Variants in ARHGEF4 observed in about 807,000 individuals in gnomAD.
ARHGEF4 encodes the protein APC-stimulated guanine nucleotide exchange factor 1.
A neutral mutation model predicts 162.0 loss-of-function variants in ARHGEF4; 119 were observed. The ratio of observed to expected loss-of-function variants is 0.73; its 90% CI spans 0.63 to 0.86. The LOEUF is 0.86. ARHGEF4 is among the 40% of genes least tolerant of loss of function. ARHGEF4 has a pLI of 0.00. For missense variants in ARHGEF4, 2,488 were observed against 2,456.0 expected, an observed-to-expected ratio of 1.01 and a Z score of -0.28; for synonymous variants, 1,014 against 979.9, an observed-to-expected ratio of 1.03 and a Z score of -0.65.
Position 130,930,996 on chromosome 2 carries a change from C to T in ARHGEF4, c.3597C>T (p.Cys1199=), listed in dbSNP as rs1325621735. The part of the protein sequence containing the change: ...WEEPAGEKPS[C]SHSQKAFHME... ...AACCAGCAGGTGAGAAGCCCAGTTG[C>T]TCTCACAGTCAGAAGGCGTTCCACA... The change falls in exon 3 of 14, where the codon TGC becomes TGT. Residue 1199 remains cysteine (C), a synonymous_variant. Coordinates refer to ENST00000409359, the MANE Select transcript of ARHGEF4 (RefSeq NM_001367493.1). 2 of 1,613,246 alleles carry T rather than the reference C, an allele frequency of 1.2e-6. No individual in the cohort carries two copies. The highest frequency in any genetic ancestry group is 1.7e-5 in the Admixed American group (1 of 60,012).
At chr2:130,987,562 A>G (rs1451018031) in intron 4 of ARHGEF4, among the ~76,000 whole-genome samples, 1 of 151,978 alleles carries the variant, frequency 6.6e-6, no homozygotes, top group African/African-American at 2.4e-5. Context: ...CCTTTTTTCA[A>G]TCCTCCCCAT....
chr2:130,999,285 G>T (rs1239962705), intron 4 of ARHGEF4, among the ~76,000 whole-genome samples: 3 of 151,136 alleles, frequency 2.0e-5, no homozygotes, highest in Admixed American at 2.0e-4. Flanking sequence ...CTTCCAACTA[G>T]CTGGGACTAC....
At chr2:131,040,526 C>A in intron 8 of ARHGEF4, 86 bp downstream of exon 8, 1 of 1,418,230 alleles carries the variant, frequency 7.1e-7, no homozygotes, top group South Asian at 1.5e-5. Context: ...GGTGGCTGGT[C>A]CCAAAACCTT....
At chr2:130,850,434 C>T (rs1251093930) in intron 1 of ARHGEF4, among the ~76,000 whole-genome samples, 2 of 152,222 alleles carry the variant, frequency 1.3e-5, no homozygotes, top group African/African-American at 4.8e-5. Flanking sequence ...TGGCTCTGCT[C>T]TGCTCCCTCC....
chr2:131,040,083 A>G lies in ARHGEF4; in HGVS notation c.4373A>G (p.Asp1458Gly). ...APLAGNSGAE[D>G]GGAEAQSSKD... ...CTGGCCGGGAACAGCGGAGCGGAGGACGGCGGGGCGGAGGCGCAGAGCAGC... is the reference window on the plus strand; with the variant it reads ...CTGGCCGGGAACAGCGGAGCGGAGGGCGGCGGGGCGGAGGCGCAGAGCAGC... Residue 1458 changes from aspartate (D) to glycine (G), a missense_variant, in exon 7 of 14, where the codon GAC becomes GGC. Physicochemically the swap from Asp to Gly is moderately conservative, Grantham distance 94. Around this residue, in one of 6 missense-constraint regions of ARHGEF4, gnomAD observed 174 missense variants for 148.3 expected, o/e 1.17. Coordinates refer to ENST00000409359, the MANE Select transcript of ARHGEF4 (RefSeq NM_001367493.1). 1 of 1,605,444 alleles carries G rather than the reference A, an allele frequency of 6.2e-7. No homozygotes were observed. The highest frequency in any genetic ancestry group is 1.3e-5 in the African/African-American group (1 of 74,772).
At chr2:131,035,755 C>T (rs1690229114) in intron 5 of ARHGEF4, 2 of 985,196 alleles carry the variant, frequency 2.0e-6, no homozygotes, top group South Asian at 9.4e-5. Context: ...CCTCTGCCCC[C>T]CTTGCACGTG....
intron 4 of ARHGEF4, among the ~76,000 whole-genome samples, chr2:131,007,428 C>T (rs11900231): frequency 0.14 from 22,006 of 152,148 alleles, 1,731 homozygotes; most frequent in South Asian, 0.21. Flanking sequence ...TTTAAGCTCT[C>T]CTTACTTTTT....
In ARHGEF4 at chr2:130,931,231, G is replaced by GGGGCAGTGCACAAAGATGGAGTCAA; in HGVS notation, c.3835_3858+1dup. ...CCACGTCGAAAGGAGGCTGCACATA[G>GGGGCAGTGCACAAAGATGGAGTCAA]GGGCAGTGCACAAAGATGGAGTCAA... is the stretch of plus-strand genomic sequence containing the variant. On this transcript the variant is annotated frameshift_variant, in exon 3 of 14. Coordinates refer to ENST00000409359, the MANE Select transcript of ARHGEF4 (RefSeq NM_001367493.1). LOFTEE classifies it high-confidence loss of function. 2 of 1,611,422 alleles carry GGGGCAGTGCACAAAGATGGAGTCAA rather than the reference G, an allele frequency of 1.2e-6. No homozygotes were observed. Among genetic ancestry groups the GGGGCAGTGCACAAAGATGGAGTCAA allele is most frequent in the Non-Finnish European group, 1.7e-6 (2 of 1,178,188 alleles).
At position 131,019,792 on chromosome 2, in the gene ARHGEF4, G is replaced by C. The variant is rs370899352; in HGVS notation, c.3986-8153G>C. On this transcript the variant is annotated intron_variant, in intron 4 of 13. Coordinates refer to ENST00000409359, the MANE Select transcript of ARHGEF4 (RefSeq NM_001367493.1). ...GGGACTACAGGCGCCTGCCACCACG[G>C]CCGGCTAATTTTTTTGTATTTTTAG... Among the ~76,000 whole-genome samples the C allele has an allele frequency of 2.9e-3, 445 of 152,016 alleles. 1 individual carries two copies. Among genetic ancestry groups the C allele is most frequent in the South Asian group, 4.2e-3 (20 of 4,810 alleles).
At chr2:130,882,339 C>G (rs1425775786) in intron 1 of ARHGEF4, among the ~76,000 whole-genome samples, 1 of 152,060 alleles carries the variant, frequency 6.6e-6, no homozygotes, top group Admixed American at 6.5e-5. Context: ...GTGGCTTACA[C>G]AGCAGACATC....
intron 1 of ARHGEF4, among the ~76,000 whole-genome samples, chr2:130,864,327 C>G (rs962586994): frequency 6.6e-6 from 1 of 152,034 alleles, no homozygotes; most frequent in East Asian, 1.9e-4. Flanking sequence ...ATAGGAAATA[C>G]CCAGGATCAG....
At chr2:130,936,090 G>T (rs377161598) in intron 3 of ARHGEF4, among the ~76,000 whole-genome samples, 8 of 152,116 alleles carry the variant, frequency 5.3e-5, no homozygotes, top group African/African-American at 1.9e-4. Flanking sequence ...ACTGAAACTT[G>T]TTTTCTGTAA....
chr2:130,991,751 C>A (rs865788511), intron 4 of ARHGEF4, among the ~76,000 whole-genome samples: 4 of 152,356 alleles, frequency 2.6e-5, no homozygotes, highest in African/African-American at 7.2e-5. Context: ...TCCTGTGCAG[C>A]CCGAGCCTCC....
chr2:130,851,536 G>A (rs1681414328), intron 1 of ARHGEF4, among the ~76,000 whole-genome samples: 1 of 152,238 alleles, frequency 6.6e-6, no homozygotes, highest in South Asian at 2.1e-4. Flanking sequence ...AGGTGCTCCG[G>A]GCCTGAGTGG....
chr2:130,883,661 C>T (rs1433085282), intron 1 of ARHGEF4, among the ~76,000 whole-genome samples: 3 of 152,126 alleles, frequency 2.0e-5, no homozygotes, highest in Admixed American at 6.5e-5. Flanking sequence ...GCAGGGCCCA[C>T]GCATGTCTGC....
intron 1 of ARHGEF4, among the ~76,000 whole-genome samples, chr2:130,838,474 T>A (rs982720670): frequency 1.3e-5 from 2 of 152,006 alleles, no homozygotes. Context: ...GGCGCGGTAG[T>A]GGGCGCCTGT....
intron 3 of ARHGEF4, among the ~76,000 whole-genome samples, chr2:130,933,707 A>C (rs539559564): frequency 4.6e-5 from 7 of 152,218 alleles, no homozygotes; most frequent in Admixed American, 2.6e-4. Flanking sequence ...GGAAATTTTT[A>C]AAAGCTTCAT....
intron 4 of ARHGEF4, among the ~76,000 whole-genome samples, chr2:130,957,013 G>A (rs1684325186): frequency 6.6e-6 from 1 of 151,872 alleles, no homozygotes; most frequent in Admixed American, 6.6e-5. Flanking sequence ...AAAAAATAAA[G>A]TGTTGTACCC....
chr2:130,844,620 T>C (rs1010771894), intron 1 of ARHGEF4, among the ~76,000 whole-genome samples: 2 of 152,126 alleles, frequency 1.3e-5, no homozygotes, highest in Non-Finnish European at 1.5e-5. Context: ...GGTCCCTTTG[T>C]GATGGTGATG....
Sources: allele counts gnomAD v4.1 joint callset (sites outside exome capture counted in the v4.1 genomes callset), GRCh38; gene constraint gnomAD v4.1.1; regional missense constraint gnomAD v4.1.1; transcripts MANE v1.5; gene names NCBI Gene and HGNC (gene_info 2026-07-23, HGNC 2026-07-21).